LRRTM4: variants seen among roughly 807,000 people sequenced by gnomAD.
LRRTM4 encodes the protein leucine-rich repeat transmembrane neuronal protein 4.
In LRRTM4, 25 loss-of-function variants were observed where a neutral mutation model predicts 47.6. That is an observed-to-expected ratio of 0.53 (90% CI 0.38 to 0.73). LRRTM4 has a LOEUF of 0.73. Ranked by LOEUF, LRRTM4 falls within the 30% of genes least tolerant of loss-of-function variation. LRRTM4 has a pLI of 0.00. For missense variants in LRRTM4, 638 were observed against 713.4 expected (o/e 0.89, Z 1.20); for synonymous variants, 311 against 269.5 (o/e 1.15, Z -1.51).
intron 3 of LRRTM4, among the ~76,000 whole-genome samples, chr2:77,174,260 C>T (rs555114405): frequency 1.2e-4 from 18 of 152,266 alleles, no homozygotes; most frequent in Non-Finnish European, 1.9e-4. Context: ...TGTCTGGTAG[C>T]CCCCAAATAG....
Position 76,969,471 on chromosome 2 carries a change from T to C in LRRTM4, c.1552-220555A>G, listed in dbSNP as rs138923188. Among the ~76,000 whole-genome samples, 330 of 151,952 alleles carry C rather than the reference T, an allele frequency of 2.2e-3. 1 individual carries two copies. The highest frequency in any genetic ancestry group is 7.7e-3 in the African/African-American group (320 of 41,518). On this transcript the variant is annotated intron_variant, in intron 3 of 3. Transcript: ENST00000409884. ...AAAGTTGTAAGAGCAGATCTAACTTTAGAGAAATTTTAGGCCATTCAGGTG... is the reference window on the plus strand; with the variant it reads ...AAAGTTGTAAGAGCAGATCTAACTTCAGAGAAATTTTAGGCCATTCAGGTG...
chr2:76,838,874 C>G (rs115910266), intron 3 of LRRTM4, among the ~76,000 whole-genome samples: 2,198 of 152,076 alleles, frequency 0.014, 47 homozygotes, highest in African/African-American at 0.046. Flanking sequence ...TTTCATAATT[C>G]GTTATTTAAG....
intron 3 of LRRTM4, among the ~76,000 whole-genome samples, chr2:77,270,915 C>CT (rs938240071): frequency 6.6e-6 from 1 of 152,138 alleles, no homozygotes; most frequent in African/African-American, 2.4e-5. Context: ...TTGCTTTAAG[C>CT]TTTTTTGCAT....
intron 3 of LRRTM4, among the ~76,000 whole-genome samples, chr2:77,319,167 T>G (rs976141944): frequency 6.6e-6 from 1 of 151,996 alleles, no homozygotes; most frequent in African/African-American, 2.4e-5. Context: ...GGCGGATCAC[T>G]TGAGGTTGGG....
At chr2:76,793,606 AAGT>A (rs1675097562) in intron 3 of LRRTM4, among the ~76,000 whole-genome samples, 2 of 30,188 alleles carry the variant, frequency 6.6e-5, no homozygotes, top group African/African-American at 2.0e-4. Flanking sequence ...TGCTCTCGGT[AAGT>A]TAAGTTTTGA....
chr2:76,936,548 C>T (rs1165704685), intron 3 of LRRTM4, among the ~76,000 whole-genome samples: 2 of 147,660 alleles, frequency 1.4e-5, no homozygotes, highest in Admixed American at 6.8e-5. Flanking sequence ...AAGAAACCTG[C>T]ACGTTCTGCA....
intron 3 of LRRTM4, among the ~76,000 whole-genome samples, chr2:77,052,150 CTTTTTTTTTT>C (rs70939841): frequency 6.3e-5 from 4 of 63,598 alleles, no homozygotes; most frequent in Non-Finnish European, 8.3e-5. Context: ...GTTACATTTC[CTTTTTTTTTT>C]TTTTTTTTTT....
intron 3 of LRRTM4, among the ~76,000 whole-genome samples, chr2:77,379,283 A>AT (rs1025670354): frequency 6.6e-6 from 1 of 151,566 alleles, no homozygotes; most frequent in African/African-American, 2.4e-5. Context: ...TTTATTAACG[A>AT]TTTTTTCCCC....
In LRRTM4 at chr2:77,518,704, TG is replaced by T; in HGVS notation, c.1164del (p.Ile389SerfsTer50). ...PQKPLIIPRP[T>X]IFKPDVTQST... is the part of the protein sequence containing the mutation. ...GATTGGGTGACGTCAGGTTTGAAGA[TG>T]GTAGGTCTAGGGATAATCAGAGGTT... On this transcript the variant is annotated frameshift_variant, in exon 3 of 4. Transcript: ENST00000409884. LOFTEE classifies it high-confidence loss of function. 6.2e-7 allele frequency: 1 copy of T among 1,613,386 alleles called. No homozygotes were observed. The highest frequency in any genetic ancestry group is 8.5e-7 in the Non-Finnish European group (1 of 1,179,622).
intron 3 of LRRTM4, among the ~76,000 whole-genome samples, chr2:77,228,566 C>T (rs936193543): frequency 1.3e-5 from 2 of 152,150 alleles, no homozygotes; most frequent in African/African-American, 4.8e-5. Context: ...GGAAATCTTG[C>T]TGCCAGTTTT....
At chr2:76,783,539 C>A (rs905889356) in intron 3 of LRRTM4, among the ~76,000 whole-genome samples, 1 of 152,052 alleles carries the variant, frequency 6.6e-6, no homozygotes, top group Admixed American at 6.6e-5. Context: ...CGTAACTCCC[C>A]GTATTCTCCC....
intron 3 of LRRTM4, among the ~76,000 whole-genome samples, chr2:77,100,892 G>A (rs1670935779): frequency 6.9e-6 from 1 of 143,994 alleles, no homozygotes; most frequent in South Asian, 2.2e-4. Context: ...CTGGAGTGCA[G>A]TGGTGCGATC....
At chr2:76,880,651 A>G (rs1418913949) in intron 3 of LRRTM4, among the ~76,000 whole-genome samples, 2 of 152,114 alleles carry the variant, frequency 1.3e-5, no homozygotes, top group African/African-American at 4.8e-5. Flanking sequence ...AAAACACAAA[A>G]AACCTCTGTG....
chr2:77,032,924 A>G (rs1380528688), intron 3 of LRRTM4, among the ~76,000 whole-genome samples: 1 of 152,108 alleles, frequency 6.6e-6, no homozygotes, highest in Non-Finnish European at 1.5e-5. Context: ...ACCATACAAC[A>G]TGGTTCTACT....
At chr2:76,779,885 TG>T (rs774816323) in intron 3 of LRRTM4, among the ~76,000 whole-genome samples, 3 of 152,032 alleles carry the variant, frequency 2.0e-5, no homozygotes, top group Admixed American at 6.6e-5. Flanking sequence ...GGCATGATTT[TG>T]CAGCGGCTGG....
chr2:77,176,807 C>T (rs888660393), intron 3 of LRRTM4, among the ~76,000 whole-genome samples: 2 of 152,120 alleles, frequency 1.3e-5, no homozygotes, highest in Non-Finnish European at 2.9e-5. Flanking sequence ...AGAAACCAAT[C>T]GCTAAGACCC....
At chr2:76,919,954 A>C (rs1396681625) in intron 3 of LRRTM4, among the ~76,000 whole-genome samples, 1 of 152,054 alleles carries the variant, frequency 6.6e-6, no homozygotes, top group African/African-American at 2.4e-5. Flanking sequence ...ACATTCTCAT[A>C]ATCTTTTACT....
chr2:76,937,256 A>ATCACAGTCCTAATCATTCTAAATGGACAT (rs1674986863), intron 3 of LRRTM4, among the ~76,000 whole-genome samples: 1 of 152,096 alleles, frequency 6.6e-6, no homozygotes, highest in African/African-American at 2.4e-5. Context: ...CATATGGCAA[A>ATCACAGTCCTAATCATTCTAAATGGACAT]AATATTTATG....
intron 3 of LRRTM4, among the ~76,000 whole-genome samples, chr2:76,787,374 T>G (rs1334075400): frequency 1.3e-5 from 2 of 152,114 alleles, no homozygotes; most frequent in African/African-American, 2.4e-5. Context: ...TATTGATATA[T>G]AGAGCCTGCT....
Sources: gnomAD v4.1 joint callset for allele counts (sites outside exome capture counted in the v4.1 genomes callset) on GRCh38, gnomAD v4.1.1 for gene constraint, MANE v1.5 for transcripts, NCBI Gene and HGNC (gene_info 2026-07-23, HGNC 2026-07-21) for gene names.